Variants in ROBO2 observed in about 807,000 individuals in gnomAD.
ROBO2 encodes roundabout homolog 2.
Under a neutral mutation model 160.8 loss-of-function variants are expected in ROBO2, and 53 were observed. The observed-to-expected ratio is 0.33, with a 90% CI of 0.26 to 0.41. The LOEUF (loss-of-function observed/expected upper bound fraction) is 0.41, where lower values mean the gene tolerates loss of function less well. Ranked by LOEUF, ROBO2 falls within the 10% of genes least tolerant of loss-of-function variation. The probability of loss-of-function intolerance (pLI) is 1.00; values close to 1 mark genes in which losing one functional copy is unlikely to be tolerated. For missense variants in ROBO2, 1,577 were observed against 1,722.4 expected (o/e 0.92, Z 1.49); for synonymous variants, 664 against 611.7 (o/e 1.09, Z -1.26).
chr3:76,961,381 G>T (rs779861526), intron 2 of ROBO2, among the ~76,000 whole-genome samples: 12 of 150,806 alleles, frequency 8.0e-5, no homozygotes, highest in Non-Finnish European at 2.9e-5. Context: ...TTCAGAGAGG[G>T]TTCACAGAAC....
intron 2 of ROBO2, among the ~76,000 whole-genome samples, chr3:76,393,410 A>T (rs1250242504): frequency 6.6e-6 from 1 of 152,192 alleles, no homozygotes; most frequent in Non-Finnish European, 1.5e-5. Context: ...TTTTAAAATT[A>T]TGGAGCATAT....
intron 2 of ROBO2, among the ~76,000 whole-genome samples, chr3:76,383,067 C>T (rs1170876484): frequency 6.6e-6 from 1 of 152,060 alleles, no homozygotes; most frequent in African/African-American, 2.4e-5. Flanking sequence ...CCATTGAAAA[C>T]ATTGAACAAT....
intron 2 of ROBO2, among the ~76,000 whole-genome samples, chr3:75,976,285 C>T (rs1380609664): frequency 9.2e-5 from 14 of 151,582 alleles, no homozygotes; most frequent in Non-Finnish European, 2.1e-4. Context: ...AATAGCCACA[C>T]ACTGGAGATC....
intron 2 of ROBO2, among the ~76,000 whole-genome samples, chr3:77,422,215 A>G (rs977792013): frequency 6.6e-6 from 1 of 152,178 alleles, no homozygotes; most frequent in Non-Finnish European, 1.5e-5. Flanking sequence ...AGGCGAAATC[A>G]AGTTGGTGTA....
At chr3:76,409,248 C>G (rs1295020318) in intron 2 of ROBO2, among the ~76,000 whole-genome samples, 1 of 151,992 alleles carries the variant, frequency 6.6e-6, no homozygotes, top group East Asian at 1.9e-4. Flanking sequence ...TCAGATCCAA[C>G]TACAAGATTA....
intron 2 of ROBO2, among the ~76,000 whole-genome samples, chr3:76,074,305 T>C (rs909242248): frequency 6.6e-6 from 1 of 152,196 alleles, no homozygotes; most frequent in African/African-American, 2.4e-5. Context: ...ACACCCAGTC[T>C]CAACATTTCA....
intron 2 of ROBO2, among the ~76,000 whole-genome samples, chr3:76,512,556 G>A (rs543408026): frequency 6.6e-6 from 1 of 152,004 alleles, no homozygotes. Flanking sequence ...ATTGCTTACT[G>A]CTTCTCAGTA....
chr3:76,126,093 C>A (rs771239331), intron 2 of ROBO2, among the ~76,000 whole-genome samples: 3 of 152,080 alleles, frequency 2.0e-5, no homozygotes, highest in Non-Finnish European at 4.4e-5. Context: ...GGATTACAGG[C>A]GTGAGCCACT....
intron 23 of ROBO2, chr3:77,632,868 T>C (rs1295115178): frequency 2.6e-6 from 1 of 391,824 alleles, no homozygotes; most frequent in Non-Finnish European, 4.5e-6. Context: ...CTTTCTCTTA[T>C]TTTCCTTTCT....
At chr3:76,475,176 A>T (rs1045326242) in intron 2 of ROBO2, among the ~76,000 whole-genome samples, 4 of 152,146 alleles carry the variant, frequency 2.6e-5, no homozygotes, top group African/African-American at 9.7e-5. Flanking sequence ...AGGTTCACTC[A>T]TAAGATGGTA....
chr3:77,216,018 T>A (rs1051447891), intron 2 of ROBO2, among the ~76,000 whole-genome samples: 14 of 152,196 alleles, frequency 9.2e-5, no homozygotes, highest in Non-Finnish European at 1.3e-4. Flanking sequence ...GTTAGGCTAC[T>A]CGGGGGTCAG....
intron 2 of ROBO2, among the ~76,000 whole-genome samples, chr3:76,298,926 C>T (rs1044874347): frequency 6.6e-6 from 1 of 152,230 alleles, no homozygotes; most frequent in Non-Finnish European, 1.5e-5. Context: ...GACCATGCCT[C>T]TGCCAGGGGC....
chr3:76,413,366 T>C (rs1389047061), intron 2 of ROBO2, among the ~76,000 whole-genome samples: 1 of 152,214 alleles, frequency 6.6e-6, no homozygotes, highest in Non-Finnish European at 1.5e-5. Flanking sequence ...CCAGCTTGAA[T>C]TTCTCCCCAG....
At chr3:76,024,876 T>G (rs577246756) in intron 2 of ROBO2, among the ~76,000 whole-genome samples, 45 of 151,390 alleles carry the variant, frequency 3.0e-4, no homozygotes, top group African/African-American at 9.7e-4. Flanking sequence ...CAGCAATCTC[T>G]AAGCAGTGAC....
At chr3:76,580,844 A>G (rs1158157863) in intron 2 of ROBO2, among the ~76,000 whole-genome samples, 2 of 152,162 alleles carry the variant, frequency 1.3e-5, no homozygotes, top group Non-Finnish European at 1.5e-5. Flanking sequence ...CAAATGCTTA[A>G]AAGTTCTGAA....
At chr3:77,154,923 C>G (rs1481270290) in intron 2 of ROBO2, among the ~76,000 whole-genome samples, 1 of 151,914 alleles carries the variant, frequency 6.6e-6, no homozygotes, top group Non-Finnish European at 1.5e-5. Flanking sequence ...GTACTAGACT[C>G]AGTACCTGAG....
intron 2 of ROBO2, among the ~76,000 whole-genome samples, chr3:76,333,365 T>A (rs2073636652): frequency 6.6e-6 from 1 of 152,226 alleles, no homozygotes; most frequent in South Asian, 2.1e-4. Context: ...CGTAAAGTCA[T>A]GATTCTCACT....
At chr3:76,231,871 C>T (rs1359940185) in intron 2 of ROBO2, among the ~76,000 whole-genome samples, 2 of 152,092 alleles carry the variant, frequency 1.3e-5, no homozygotes, top group African/African-American at 4.8e-5. Flanking sequence ...GAATAAAACC[C>T]AGTAGGTCCT....
chr3:75,962,707 CTG>C (rs1380582210), intron 2 of ROBO2, among the ~76,000 whole-genome samples: 2 of 151,838 alleles, frequency 1.3e-5, no homozygotes, highest in African/African-American at 4.8e-5. Context: ...TCTCTACAGT[CTG>C]TATTTTTTTC....
Sources: gnomAD v4.1 joint callset for allele counts (sites outside exome capture counted in the v4.1 genomes callset) on GRCh38, gnomAD v4.1.1 for gene constraint, MANE v1.5 for transcripts, NCBI Gene and HGNC (gene_info 2026-07-23, HGNC 2026-07-21) for gene names.